LYPLAL1: variants seen among roughly 807,000 people sequenced by gnomAD.
The protein encoded by LYPLAL1 is lysophospholipase-like protein 1.
Under a neutral mutation model 19.7 loss-of-function variants are expected in LYPLAL1, and 23 were observed. The observed-to-expected ratio is 1.17, with a 90% confidence interval of 0.84 to 1.65. LYPLAL1 has a LOEUF of 1.65. Ranked by LOEUF, LYPLAL1 falls within the 40% of genes most tolerant of loss-of-function variation. The probability of loss-of-function intolerance (pLI) is 0.00; values close to 1 mark genes in which losing one functional copy is unlikely to be tolerated. For synonymous variants in LYPLAL1, 119 were observed against 96.3 expected (o/e 1.24, Z -1.38); for missense variants, 355 against 279.4 (o/e 1.27, Z -1.93).
chr1:219,293,723 T>G, the LYPLAL1 span, among the ~76,000 whole-genome samples: 1 of 152,192 alleles, frequency 6.6e-6, no homozygotes, highest in African/African-American at 2.4e-5. Context: ...CCACTAGACA[T>G]GTGCGTATAT....
chr1:219,241,134 C>CTCTCTCTCTCTCTA, the LYPLAL1 span, among the ~76,000 whole-genome samples: 10 of 44,364 alleles, frequency 2.3e-4, no homozygotes, highest in Admixed American at 7.0e-4. Flanking sequence ...CTCTCTCTCT[C>CTCTCTCTCTCTCTA]TATATATATA....
Position 219,173,932 on chromosome 1 carries a change from G to A in LYPLAL1, c.42G>A (p.Val14=). ...ASGSVLQRCI[V]SPAGRHSASL... is the part of the protein sequence containing the mutation. ...GGTCGGTTCTGCAGCGCTGTATCGT[G>A]TCGCCGGCAGGGAGGCATAGCGCCT... Residue 14 remains valine, a synonymous_variant, in exon 1 of 5, where the codon GTG becomes GTA. Coordinates refer to ENST00000366928, the MANE Select transcript of LYPLAL1 (RefSeq NM_138794.5). The A allele has an allele frequency of 6.2e-7, 1 of 1,613,900 alleles. No individual in the cohort carries two copies. The highest frequency in any genetic ancestry group is 8.5e-7 in the Non-Finnish European group (1 of 1,179,972).
the LYPLAL1 span, among the ~76,000 whole-genome samples, chr1:219,320,220 G>C: frequency 2.0e-5 from 3 of 151,930 alleles, no homozygotes; most frequent in Non-Finnish European, 2.9e-5. Context: ...TACCTGCTGG[G>C]ATGACACAGA....
At chr1:219,294,359 A>C in the LYPLAL1 span, among the ~76,000 whole-genome samples, 1 of 152,258 alleles carries the variant, frequency 6.6e-6, no homozygotes, top group East Asian at 1.9e-4. Flanking sequence ...TCAACTTTCC[A>C]TTCCATCCTC....
chr1:219,275,983 T>G, the LYPLAL1 span, among the ~76,000 whole-genome samples: 2 of 152,212 alleles, frequency 1.3e-5, no homozygotes, highest in Admixed American at 6.5e-5. Flanking sequence ...AAAGCTATCA[T>G]CTGTGATCTT....
the LYPLAL1 span, among the ~76,000 whole-genome samples, chr1:219,364,221 T>C: frequency 6.6e-6 from 1 of 152,152 alleles, no homozygotes; most frequent in Non-Finnish European, 1.5e-5. Context: ...AACCCAAGTC[T>C]AGCTCTACTT....
At chr1:219,217,159 A>C (rs1020183046), downstream of LYPLAL1, among the ~76,000 whole-genome samples, 4 of 152,096 alleles carry the variant, frequency 2.6e-5, no homozygotes, top group Admixed American at 2.0e-4. Context: ...TGTGCCATTC[A>C]TGTTTAAAAT....
rs1256294093 is a variant in LYPLAL1, at chr1:219,173,936, C to T, written c.46C>T (p.Pro16Ser). The T allele has an allele frequency of 6.2e-7, 1 of 1,613,960 alleles. No homozygotes were observed. The highest frequency in any genetic ancestry group is 8.5e-7 in the Non-Finnish European group (1 of 1,179,976). The change falls in exon 1 of 5, where the codon CCG becomes TCG. Residue 16 changes from proline (P) to serine (S), a missense_variant. Physicochemically the swap from Pro to Ser is moderately conservative, Grantham distance 74 (BLOSUM62 -1). Coordinates refer to ENST00000366928, the MANE Select transcript of LYPLAL1 (RefSeq NM_138794.5). Reference sequence around the variant, plus strand: ...GGTTCTGCAGCGCTGTATCGTGTCGCCGGCAGGGAGGCATAGCGCCTCTCT... The same window carrying T: ...GGTTCTGCAGCGCTGTATCGTGTCGTCGGCAGGGAGGCATAGCGCCTCTCT... ...GSVLQRCIVS[P>S]AGRHSASLIF... is the part of the protein sequence containing the mutation.
At chr1:219,191,865 T>G (rs1355498667) in intron 2 of LYPLAL1, among the ~76,000 whole-genome samples, 1 of 151,654 alleles carries the variant, frequency 6.6e-6, no homozygotes, top group East Asian at 1.9e-4. Context: ...TGTTACAAAG[T>G]AATGTTTATA....
downstream of LYPLAL1, among the ~76,000 whole-genome samples, chr1:219,215,441 A>C (rs968309323): frequency 1.3e-5 from 2 of 151,926 alleles, no homozygotes; most frequent in African/African-American, 2.4e-5. Flanking sequence ...GTCTTGGTAT[A>C]ATTTCTCACG....
At chr1:219,432,722 T>C in the LYPLAL1 span, among the ~76,000 whole-genome samples, 1 of 152,222 alleles carries the variant, frequency 6.6e-6, no homozygotes, top group Non-Finnish European at 1.5e-5. Flanking sequence ...TCTGTTGTTT[T>C]AGGGAGTCCA....
intron 2 of LYPLAL1, among the ~76,000 whole-genome samples, chr1:219,185,279 CT>C (rs912002264): frequency 1.3e-5 from 2 of 151,206 alleles, no homozygotes; most frequent in Non-Finnish European, 3.0e-5. Context: ...TATATTTTCT[CT>C]TTTTTTTCGT....
intron 3 of LYPLAL1, among the ~76,000 whole-genome samples, chr1:219,199,024 T>C (rs1356373591): frequency 6.6e-6 from 1 of 152,178 alleles, no homozygotes. Flanking sequence ...ATATGAATGA[T>C]GATTTAATTA....
the LYPLAL1 span, among the ~76,000 whole-genome samples, chr1:219,335,207 T>C: frequency 4.6e-5 from 7 of 151,996 alleles, no homozygotes; most frequent in Non-Finnish European, 1.0e-4. Flanking sequence ...CCACCTGTAT[T>C]TGTGTATCTT....
chr1:219,193,124 T>C lies in LYPLAL1; in HGVS notation c.234T>C (p.Phe78=), dbSNP rs1276333992. 3.7e-6 allele frequency: 6 copies of C among 1,610,214 alleles called. No individual in the cohort carries two copies. Among genetic ancestry groups the C allele is most frequent in the Non-Finnish European group, 5.1e-6 (6 of 1,177,570 alleles). The change falls in exon 3 of 5, where the codon TTT becomes TTC. Residue 78 remains phenylalanine (F), a synonymous_variant. Transcript: ENST00000366928. The part of the protein sequence containing the change: ...PMKGGISNVW[F]DRFKITNDCP... ...AAGGAGGAATCTCCAATGTATGGTT[T>C]GACAGATTTAAAATAACCAATGACT... is the stretch of plus-strand genomic sequence containing the variant.
chr1:219,419,594 C>CACACACACACAG, the LYPLAL1 span, among the ~76,000 whole-genome samples: 2,703 of 99,468 alleles, frequency 0.027, 87 homozygotes, highest in Non-Finnish European at 0.034. Context: ...CACACACACA[C>CACACACACACAG]AGAGAGAGAG....
the LYPLAL1 span, among the ~76,000 whole-genome samples, chr1:219,392,532 T>TA: frequency 6.6e-6 from 1 of 152,152 alleles, no homozygotes; most frequent in Non-Finnish European, 1.5e-5. Context: ...ATAGGTGTCG[T>TA]ATGCGTACTT....
At chr1:219,391,482 A>G in the LYPLAL1 span, among the ~76,000 whole-genome samples, 1 of 152,028 alleles carries the variant, frequency 6.6e-6, no homozygotes, top group East Asian at 1.9e-4. Flanking sequence ...GTGTCTTCAC[A>G]CCTCTTTGGA....
the LYPLAL1 span, among the ~76,000 whole-genome samples, chr1:219,258,168 T>C: frequency 6.6e-6 from 1 of 152,096 alleles, no homozygotes; most frequent in African/African-American, 2.4e-5. Flanking sequence ...TGATTTCATA[T>C]TGTTCAAACA....
Sources: gnomAD v4.1 joint callset for allele counts (sites outside exome capture counted in the v4.1 genomes callset) on GRCh38, gnomAD v4.1.1 for gene constraint, MANE v1.5 for transcripts, NCBI Gene and HGNC (gene_info 2026-07-23, HGNC 2026-07-21) for gene names.